ACTG2: variants seen among roughly 807,000 people sequenced by gnomAD.
ACTG2 encodes actin, gamma-enteric smooth muscle.
Under a neutral mutation model 37.6 loss-of-function variants are expected in ACTG2, and 16 were observed. The ratio of observed to expected loss-of-function variants is 0.43; its 90% CI spans 0.29 to 0.65. The LOEUF (loss-of-function observed/expected upper bound fraction) is 0.65. Ranked by LOEUF, ACTG2 falls within the 30% of genes least tolerant of loss-of-function variation. ACTG2 has a pLI of 0.18. For missense variants in ACTG2, 238 were observed against 490.9 expected, an observed-to-expected ratio of 0.48 and a Z score of 4.87; for synonymous variants, 181 against 179.9, an observed-to-expected ratio of 1.01 and a Z score of -0.05.
At chr2:73,912,745 A>G (rs556255893) in intron 5 of ACTG2, among the ~76,000 whole-genome samples, 1 of 152,310 alleles carries the variant, frequency 6.6e-6, no homozygotes, top group South Asian at 2.1e-4. Context: ...AATAATGACA[A>G]TTTTGGTAGT....
At chr2:73,905,084 C>G (rs982696701) in intron 3 of ACTG2, among the ~76,000 whole-genome samples, 1 of 151,752 alleles carries the variant, frequency 6.6e-6, no homozygotes, top group Non-Finnish European at 1.5e-5. Context: ...ATAAATGAAA[C>G]TTCCAGCATC....
chr2:73,905,205 C>T (rs1026276247), intron 3 of ACTG2, among the ~76,000 whole-genome samples: 4 of 151,994 alleles, frequency 2.6e-5, no homozygotes, highest in African/African-American at 9.7e-5. Flanking sequence ...TTTCACCAAA[C>T]ACATGTCAAT....
chr2:73,915,978 C>T lies in ACTG2; in HGVS notation c.806-606C>T, dbSNP rs181559392. ...TAAAATTAGATTTTGGTGATGTTTG[C>T]TTCTGTGGATATACTGAAAATGACT... On this transcript the variant is annotated intron_variant, in intron 7 of 8. Transcript: ENST00000345517. 1.3e-3 allele frequency among the ~76,000 whole-genome samples: 194 copies of T among 152,178 alleles called. 1 individual carries two copies. The highest frequency in any genetic ancestry group is 4.5e-3 in the African/African-American group (187 of 41,506).
intron 5 of ACTG2, among the ~76,000 whole-genome samples, chr2:73,909,612 A>C (rs1473968120): frequency 6.6e-6 from 1 of 152,230 alleles, no homozygotes; most frequent in Admixed American, 6.5e-5. Context: ...GGCGTGGCCT[A>C]TTGCTTCCAG....
intron 8 of ACTG2, 90 bp from the exon 9 acceptor site, chr2:73,919,342 G>C (rs1680332049): frequency 6.9e-7 from 1 of 1,446,894 alleles, no homozygotes; most frequent in Non-Finnish European, 9.4e-7. Context: ...TGACCATGGG[G>C]CTCCCCTTTT....
intron 8 of ACTG2, among the ~76,000 whole-genome samples, chr2:73,918,137 A>G (rs746346304): frequency 6.6e-6 from 1 of 152,236 alleles, no homozygotes; most frequent in Non-Finnish European, 1.5e-5. Flanking sequence ...AGCAGAGGAA[A>G]TAGAAGGAGC....
At chr2:73,903,117 C>T (rs769949757) in intron 3 of ACTG2, 16 of 169,466 alleles carry the variant, frequency 9.4e-5, no homozygotes, top group Non-Finnish European at 1.5e-4. Context: ...GTGGGGGGAG[C>T]GGGATTTTTA....
At chr2:73,909,020 G>C in intron 4 of ACTG2, 35 bp from the exon 5 acceptor site, 1 of 1,596,316 alleles carries the variant, frequency 6.3e-7, no homozygotes, top group Non-Finnish European at 8.6e-7. Context: ...TGTGATTTTT[G>C]CCAAATAATC....
chr2:73,899,319 G>C (rs1295259508), intron 1 of ACTG2, among the ~76,000 whole-genome samples: 1 of 152,018 alleles, frequency 6.6e-6, no homozygotes, highest in Non-Finnish European at 1.5e-5. Context: ...TTTTATATCA[G>C]CCAGCCATAG....
intron 3 of ACTG2, among the ~76,000 whole-genome samples, chr2:73,904,248 CAAAAAAAAAA>C (rs61261289): frequency 1.5e-5 from 1 of 65,208 alleles, no homozygotes. Flanking sequence ...GACCATGTCT[CAAAAAAAAAA>C]AAAAAAAAAA....
chr2:73,914,416 G>C (rs779729302), intron 6 of ACTG2, among the ~76,000 whole-genome samples: 1 of 152,010 alleles, frequency 6.6e-6, no homozygotes, highest in African/African-American at 2.4e-5. Flanking sequence ...AAAATTAGCC[G>C]AGCTTAGTGG....
intron 1 of ACTG2, among the ~76,000 whole-genome samples, chr2:73,893,657 C>T: frequency 6.6e-6 from 1 of 152,062 alleles, no homozygotes; most frequent in Admixed American, 6.6e-5. Context: ...CCTGTGGCAT[C>T]GTGAGGTTTC....
Position 73,902,457 on chromosome 2 carries a change from G to A in ACTG2, c.224G>A (p.Gly75Asp). The change falls in exon 3 of 9, where the codon GGC becomes GAC. Residue 75 changes from glycine (G) to aspartate (D), a missense_variant. By Grantham distance (94) the Gly-to-Asp change is moderately conservative. Transcript: ENST00000345517. ...ILTLKYPIEH[G>D]IITNWDDMEK... is the part of the protein sequence containing the mutation. ...ACTCTCAAATACCCCATTGAACACG[G>A]CATCATCACCAACTGGGATGACATG... 1 of 1,614,010 alleles carries A rather than the reference G, an allele frequency of 6.2e-7. No homozygotes were observed. The highest frequency in any genetic ancestry group is 8.5e-7 in the Non-Finnish European group (1 of 1,180,004).
intron 8 of ACTG2, among the ~76,000 whole-genome samples, chr2:73,918,056 T>G (rs1456006676): frequency 6.6e-6 from 1 of 152,348 alleles, no homozygotes. Flanking sequence ...TCATGGAGTT[T>G]AGGATCTAAT....
At chr2:73,914,985 T>C (rs1407119736) in intron 7 of ACTG2, 114 bp downstream of exon 7, 5 of 893,418 alleles carry the variant, frequency 5.6e-6, no homozygotes, top group Non-Finnish European at 7.6e-6. Context: ...TACATACACG[T>C]ACCTCACATT....
intron 3 of ACTG2, among the ~76,000 whole-genome samples, chr2:73,906,631 C>A (rs1482220937): frequency 6.6e-6 from 1 of 151,922 alleles, no homozygotes; most frequent in Admixed American, 6.6e-5. Flanking sequence ...GAGGTGCACA[C>A]CACATCCAGT....
chr2:73,904,777 G>GTGTGTATATATA (rs1427483105), intron 3 of ACTG2, among the ~76,000 whole-genome samples: 35 of 42,608 alleles, frequency 8.2e-4, no homozygotes, highest in Non-Finnish European at 1.0e-3. Context: ...GTGTGTGTGT[G>GTGTGTATATATA]TATATATATA....
chr2:73,900,027 C>T (rs1679843326), intron 1 of ACTG2, among the ~76,000 whole-genome samples: 2 of 152,198 alleles, frequency 1.3e-5, no homozygotes, highest in Non-Finnish European at 2.9e-5. Context: ...CTCTCTGCTT[C>T]AGTATGGTCT....
chr2:73,906,277 A>C (rs1004323994), intron 3 of ACTG2, among the ~76,000 whole-genome samples: 22 of 151,304 alleles, frequency 1.5e-4, no homozygotes, highest in African/African-American at 5.3e-4. Context: ...CGGTGAAACC[A>C]CATCTCTACT....
Sources: allele counts gnomAD v4.1 joint callset (sites outside exome capture counted in the v4.1 genomes callset), GRCh38; gene constraint gnomAD v4.1.1; transcripts MANE v1.5; gene names NCBI Gene and HGNC (gene_info 2026-07-23, HGNC 2026-07-21).